The following DRC12 variants were observed in gnomAD, a reference collection of about 807,000 sequenced individuals.
DRC12 encodes the protein dynein regulatory complex protein 12.
the DRC12 span, chr11:119,193,558 T>C: frequency 6.3e-6 from 9 of 1,426,284 alleles, no homozygotes; most frequent in Non-Finnish European, 8.3e-6. Context: ...GCACCAGGCA[T>C]CCTGGAAGGC....
the DRC12 span, chr11:119,194,780 T>G: frequency 1.8e-6 from 1 of 547,026 alleles, no homozygotes; most frequent in Non-Finnish European, 3.3e-6. Flanking sequence ...GCCCACCCTC[T>G]CTCATCATCT....
chr11:119,194,854 C>T, the DRC12 span: 3 of 1,232,648 alleles, frequency 2.4e-6, no homozygotes, highest in South Asian at 1.3e-5. Context: ...TCTCCAATCC[C>T]CCAGGATACA....
chr11:119,193,252 G>A, the DRC12 span: 1 of 1,612,786 alleles, frequency 6.2e-7, no homozygotes, highest in Non-Finnish European at 8.5e-7. Flanking sequence ...CTCTGGGGTG[G>A]GGGCAGTGGG....
chr11:119,191,162 C>T, the DRC12 span, among the ~76,000 whole-genome samples: 1 of 150,844 alleles, frequency 6.6e-6, no homozygotes, highest in South Asian at 2.1e-4. Context: ...TGCAGTGGCG[C>T]GATCTCAGCT....
At chr11:119,195,232 T>A in the DRC12 span, 1 of 644,040 alleles carries the variant, frequency 1.6e-6, no homozygotes, top group African/African-American at 1.8e-5. Context: ...AGATGGGGCT[T>A]AAAGGAGAGC....
the DRC12 span, among the ~76,000 whole-genome samples, chr11:119,194,534 A>G: frequency 7.4e-6 from 1 of 135,872 alleles, no homozygotes; most frequent in African/African-American, 2.9e-5. Flanking sequence ...AAAAAAAAAA[A>G]AAAAAAAAAA....
chr11:119,191,104 C>CTT, the DRC12 span, among the ~76,000 whole-genome samples: 4 of 143,502 alleles, frequency 2.8e-5, no homozygotes, highest in Admixed American at 7.0e-5. Flanking sequence ...GTGTCTTCAT[C>CTT]TTTTTTTTTT....
chr11:119,193,302 G>T, the DRC12 span: 5 of 1,434,886 alleles, frequency 3.5e-6, no homozygotes, highest in Non-Finnish European at 4.9e-6. Flanking sequence ...GATGGAGAAA[G>T]GAAATGAAGT....
chr11:119,192,871 C>A, the DRC12 span, among the ~76,000 whole-genome samples: 1 of 152,204 alleles, frequency 6.6e-6, no homozygotes, highest in African/African-American at 2.4e-5. Flanking sequence ...TTCCTGGACT[C>A]CTGACCTCAG....
the DRC12 span, among the ~76,000 whole-genome samples, chr11:119,191,892 T>C: frequency 6.6e-6 from 1 of 151,774 alleles, no homozygotes; most frequent in Non-Finnish European, 1.5e-5. Flanking sequence ...ACTTGGAATT[T>C]GAGGTAAAGC....
At chr11:119,190,601 C>T in the DRC12 span, 218 of 1,545,324 alleles carry the variant, frequency 1.4e-4, no homozygotes, top group African/African-American at 1.1e-3. This position sits in a 1 kb window ranked among gnomAD's most constrained non-coding sequence, Gnocchi z 4.2. Flanking sequence ...CCCTTGGAGA[C>T]GCTCCTTCTC....
the DRC12 span, chr11:119,193,521 T>A: frequency 1.5e-6 from 2 of 1,332,966 alleles, no homozygotes; most frequent in East Asian, 5.1e-5. Flanking sequence ...TGACTGCATG[T>A]GTATCCTACA....
At chr11:119,190,787 C>G in the DRC12 span, 1 of 1,614,116 alleles carries the variant, frequency 6.2e-7, no homozygotes, top group Non-Finnish European at 8.5e-7. This position sits in a 1 kb window ranked among gnomAD's most constrained non-coding sequence, Gnocchi z 4.2. Context: ...TCCCGCTCTC[C>G]GAGAGCTTGT....
chr11:119,195,028 A>G, the DRC12 span: 4 of 1,522,474 alleles, frequency 2.6e-6, no homozygotes, highest in Non-Finnish European at 3.6e-6. Flanking sequence ...TCAGCTCTTC[A>G]TGATCTCAGC....
the DRC12 span, among the ~76,000 whole-genome samples, chr11:119,194,737 CA>C: frequency 1.5e-5 from 2 of 134,636 alleles, no homozygotes; most frequent in African/African-American, 2.9e-5. Context: ...AACAAACAAA[CA>C]AAAAAAACAC....
At chr11:119,190,911 C>G in the DRC12 span, 1 of 1,539,844 alleles carries the variant, frequency 6.5e-7, no homozygotes, top group South Asian at 1.2e-5. This position sits in a 1 kb window ranked among gnomAD's most constrained non-coding sequence, Gnocchi z 4.2. Flanking sequence ...CCAAAGGTAT[C>G]TGGAAAGGAG....
chr11:119,190,769 G>C, the DRC12 span: 10 of 1,614,152 alleles, frequency 6.2e-6, no homozygotes, highest in South Asian at 1.1e-4. This position sits in a 1 kb window ranked among gnomAD's most constrained non-coding sequence, Gnocchi z 4.2. Flanking sequence ...AGCTGAGCCA[G>C]GGCCTGGTCC....
the DRC12 span, chr11:119,193,575 C>T: frequency 1.4e-6 from 2 of 1,434,362 alleles, no homozygotes; most frequent in Non-Finnish European, 1.8e-6. Flanking sequence ...AGGCCCCTGC[C>T]TGGGATCCCA....
At chr11:119,193,971 T>C in the DRC12 span, 2 of 1,370,422 alleles carry the variant, frequency 1.5e-6, no homozygotes, top group Non-Finnish European at 2.0e-6. Context: ...TGCCCACCTC[T>C]AGAAATCTGG....
Sources: allele counts gnomAD v4.1 joint callset (sites outside exome capture counted in the v4.1 genomes callset), GRCh38; gene constraint gnomAD v4.1.1; non-coding constraint Gnocchi (gnomAD v3.1); transcripts MANE v1.5; gene names NCBI Gene and HGNC (gene_info 2026-07-23, HGNC 2026-07-21).